The following NFU1 variants were observed in gnomAD, a reference collection of about 807,000 sequenced individuals.
The protein encoded by NFU1 is NFU1 iron-sulfur cluster scaffold homolog, mitochondrial.
Under a neutral mutation model 32.2 loss-of-function variants are expected in NFU1, and 30 were observed. The observed-to-expected ratio is 0.93, with a 90% CI of 0.70 to 1.26. NFU1 has a LOEUF of 1.26. NFU1 is among the 50% of genes most tolerant of loss of function. NFU1 has a pLI of 0.00. For synonymous variants in NFU1, 112 were observed against 104.6 expected, an observed-to-expected ratio of 1.07 and a Z score of -0.43; for missense variants, 306 against 306.6, an observed-to-expected ratio of 1.00 and a Z score of 0.02.
chr2:69,417,579 G>T (rs1289510192), intron 4 of NFU1, among the ~76,000 whole-genome samples: 2 of 152,098 alleles, frequency 1.3e-5, no homozygotes, highest in African/African-American at 4.8e-5. Context: ...TTGAGCCTGG[G>T]AGTTAGTGGT....
intron 6 of NFU1, among the ~76,000 whole-genome samples, chr2:69,403,452 G>A (rs897401837): frequency 9.3e-5 from 14 of 151,116 alleles, no homozygotes; most frequent in African/African-American, 3.4e-4. Context: ...GTGCAATGGT[G>A]TGATCACAGC....
rs372898848 is a variant in NFU1 at position 69,419,616 on chromosome 2, G to GA, written c.303-13dup. The GA allele has an allele frequency of 1.4e-4, 206 of 1,471,476 alleles. 1 individual carries two copies. In the East Asian group the frequency reaches 4.6e-3, roughly 33 times the overall value. 91.2% of individuals were successfully genotyped at this position (1,471,476 alleles called of 1,614,324 possible). A position where few individuals can be genotyped will look rare whatever the true frequency, so the allele number is the denominator to read the frequency against. On this transcript the variant is annotated splice_polypyrimidine_tract_variant and intron_variant, in intron 3 of 7. Coordinates refer to ENST00000410022, the MANE Select transcript of NFU1 (RefSeq NM_001002755.4). ...TCCTAAATAACTGCCTGCAAAAAAA[G>GA]AAAAAATAAGAGATATTAAAATGCT...
At chr2:69,438,032 C>T (rs1673918023), upstream of NFU1, among the ~76,000 whole-genome samples, 1 of 152,172 alleles carries the variant, frequency 6.6e-6, no homozygotes, top group Non-Finnish European at 1.5e-5. Flanking sequence ...GTTTCCAGGG[C>T]AGAGTGCCAA....
chr2:69,411,171 C>G (rs1054174603), intron 5 of NFU1: 1 of 151,840 alleles, frequency 6.6e-6, no homozygotes, highest in Non-Finnish European at 1.5e-5. Flanking sequence ...TTATTATAAA[C>G]TATATAGAAA....
chr2:69,409,664 G>C (rs748676076), intron 5 of NFU1, among the ~76,000 whole-genome samples: 2 of 152,184 alleles, frequency 1.3e-5, no homozygotes, highest in Non-Finnish European at 2.9e-5. Flanking sequence ...AGGGGAGCTG[G>C]CCCATGCAGA....
chr2:69,408,998 C>G (rs1177800195), intron 5 of NFU1, among the ~76,000 whole-genome samples: 1 of 151,134 alleles, frequency 6.6e-6, no homozygotes, highest in Admixed American at 6.6e-5. Context: ...TGCCACCACA[C>G]CTGGCTAATT....
intron 4 of NFU1, among the ~76,000 whole-genome samples, chr2:69,418,035 T>C (rs1673113986): frequency 6.6e-6 from 1 of 152,184 alleles, no homozygotes; most frequent in Non-Finnish European, 1.5e-5. Flanking sequence ...ACTAGGGCCA[T>C]ATCCGACATT....
At chr2:69,411,399 T>C (rs1019919070) in intron 5 of NFU1, among the ~76,000 whole-genome samples, 3 of 151,926 alleles carry the variant, frequency 2.0e-5, no homozygotes, top group African/African-American at 7.3e-5. Context: ...TAAAACAAGG[T>C]ACAAAAGGCA....
intron 2 of NFU1, among the ~76,000 whole-genome samples, chr2:69,425,651 G>A (rs538637628): frequency 7.3e-5 from 11 of 151,638 alleles, no homozygotes; most frequent in African/African-American, 2.4e-4. Flanking sequence ...CACTGTGCCC[G>A]GCCTAATTTT....
chr2:69,422,902 C>T (rs1382391009), intron 3 of NFU1, among the ~76,000 whole-genome samples: 3 of 151,984 alleles, frequency 2.0e-5, no homozygotes, highest in African/African-American at 7.2e-5. Context: ...TTTTTGTAGA[C>T]AGGGTTTCAC....
At chr2:69,429,357 A>C (rs1442080255) in intron 2 of NFU1, among the ~76,000 whole-genome samples, 1 of 152,120 alleles carries the variant, frequency 6.6e-6, no homozygotes, top group Non-Finnish European at 1.5e-5. Flanking sequence ...TGAGGGCAGA[A>C]GTTCGAGACC....
intron 1 of NFU1, among the ~76,000 whole-genome samples, chr2:69,432,676 T>C (rs1034023931): frequency 6.6e-6 from 1 of 152,206 alleles, no homozygotes; most frequent in African/African-American, 2.4e-5. Context: ...ATAAGCTTTT[T>C]TATTTTTTTA....
chr2:69,437,141 G>A (rs1051878673), intron 1 of NFU1: 19 of 993,422 alleles, frequency 1.9e-5, no homozygotes, highest in Non-Finnish European at 2.3e-5. Context: ...CTGAGCCTGA[G>A]AGGAAGCTCC....
intron 2 of NFU1, among the ~76,000 whole-genome samples, chr2:69,427,461 C>T (rs898994194): frequency 6.6e-6 from 1 of 151,856 alleles, no homozygotes; most frequent in Admixed American, 6.6e-5. Context: ...GCAGGTGGAT[C>T]ACAAGGTCAG....
intron 7 of NFU1, among the ~76,000 whole-genome samples, chr2:69,396,657 A>C (rs1288778612): frequency 1.3e-5 from 2 of 152,184 alleles, no homozygotes; most frequent in Admixed American, 6.5e-5. Context: ...TGTCTCAAAA[A>C]AAAAATAAAA....
intron 4 of NFU1, among the ~76,000 whole-genome samples, chr2:69,417,795 AC>A (rs1319899962): frequency 6.6e-6 from 1 of 152,072 alleles, no homozygotes; most frequent in Non-Finnish European, 1.5e-5. Context: ...AAATAGGGTA[AC>A]TAAATAATGA....
Position 69,404,615 on chromosome 2 carries a change from A to ATT in NFU1, c.545+1405_545+1406dup, listed in dbSNP as rs534309730. 4.9e-3 allele frequency among the ~76,000 whole-genome samples: 357 copies of ATT among 72,978 alleles called. 43 individuals are homozygous for ATT. Among genetic ancestry groups the ATT allele is most frequent in the African/African-American group, 0.015 (231 of 15,922 alleles). 47.9% of individuals were successfully genotyped at this position (72,978 alleles called of 152,430 possible). A position where few individuals can be genotyped will look rare whatever the true frequency, so the allele number is the denominator to read the frequency against. Reference sequence around the variant, plus strand: ...CACTTAATAACTACTATCTTAGCAAATTTTTTTTTTTTTTTTTTTTTTTGA... The same window carrying ATT: ...CACTTAATAACTACTATCTTAGCAAATTTTTTTTTTTTTTTTTTTTTTTTTGA... On this transcript the variant is annotated intron_variant, in intron 6 of 7. Coordinates refer to ENST00000410022, the MANE Select transcript of NFU1 (RefSeq NM_001002755.4).
At chr2:69,410,113 G>A (rs1239443146) in intron 5 of NFU1, among the ~76,000 whole-genome samples, 2 of 152,152 alleles carry the variant, frequency 1.3e-5, no homozygotes, top group Non-Finnish European at 1.5e-5. Flanking sequence ...ACAGGGTCGA[G>A]TGAGGTGGTT....
intron 6 of NFU1, among the ~76,000 whole-genome samples, chr2:69,403,334 T>C (rs1672586633): frequency 6.6e-6 from 1 of 152,200 alleles, no homozygotes; most frequent in Non-Finnish European, 1.5e-5. Flanking sequence ...CTATTTTGCA[T>C]TGTTTCAGAT....
Sources: gnomAD v4.1 joint callset for allele counts (sites outside exome capture counted in the v4.1 genomes callset) on GRCh38, gnomAD v4.1.1 for gene constraint, MANE v1.5 for transcripts, NCBI Gene and HGNC (gene_info 2026-07-23, HGNC 2026-07-21) for gene names.